NEGR1: variants seen among roughly 807,000 people sequenced by gnomAD.
NEGR1 encodes the protein neuronal growth regulator 1.
In NEGR1, 10 loss-of-function variants were observed where a neutral mutation model predicts 40.9. That is an observed-to-expected ratio of 0.24 (90% CI 0.15 to 0.42). The LOEUF (loss-of-function observed/expected upper bound fraction) is 0.42, where lower values mean the gene tolerates loss of function less well. Among genes scored for constraint, NEGR1 ranks in the 10% least tolerant of loss-of-function variants. NEGR1 has a pLI of 1.00. For synonymous variants in NEGR1, 185 were observed against 166.8 expected (o/e 1.11, Z -0.84); for missense variants, 352 against 438.9 (o/e 0.80, Z 1.77).
intron 5 of NEGR1, among the ~76,000 whole-genome samples, chr1:71,593,823 T>C (rs1376314151): frequency 6.6e-6 from 1 of 152,204 alleles, no homozygotes; most frequent in East Asian, 1.9e-4. Context: ...TCCTTCCTCA[T>C]TTAGGTCTAA....
chr1:71,720,461 A>G (rs1300056118), intron 3 of NEGR1, among the ~76,000 whole-genome samples: 1 of 151,888 alleles, frequency 6.6e-6, no homozygotes, highest in African/African-American at 2.4e-5. Context: ...CTGTCTCTAA[A>G]ATTCCTCTCA....
intron 1 of NEGR1, among the ~76,000 whole-genome samples, chr1:72,082,408 T>A (rs1036003296): frequency 6.6e-6 from 1 of 152,146 alleles, no homozygotes; most frequent in African/African-American, 2.4e-5. Context: ...TATTAACTTA[T>A]GTAGTAGAGC....
intron 1 of NEGR1, among the ~76,000 whole-genome samples, chr1:72,134,261 T>C (rs1054157528): frequency 3.4e-5 from 5 of 148,460 alleles, no homozygotes; most frequent in African/African-American, 1.2e-4. Context: ...CAGGCTGGAG[T>C]GTGTCACGAT....
At chr1:71,867,864 G>T (rs1184616335) in intron 2 of NEGR1, among the ~76,000 whole-genome samples, 1 of 151,940 alleles carries the variant, frequency 6.6e-6, no homozygotes. Flanking sequence ...TTTTCTCTTA[G>T]CAACACTGTT....
At chr1:71,496,740 G>C (rs1646966446) in intron 6 of NEGR1, among the ~76,000 whole-genome samples, 1 of 152,056 alleles carries the variant, frequency 6.6e-6, no homozygotes, top group African/African-American at 2.4e-5. Context: ...TCACACTACA[G>C]AGCCTGGCTG....
intron 4 of NEGR1, among the ~76,000 whole-genome samples, chr1:71,683,731 C>T (rs1485241203): frequency 6.8e-6 from 1 of 147,804 alleles, no homozygotes; most frequent in Non-Finnish European, 1.5e-5. Flanking sequence ...AGTGAATTTG[C>T]TTTTCCTATT....
chr1:72,087,101 T>C (rs554956882), intron 1 of NEGR1, among the ~76,000 whole-genome samples: 90 of 152,264 alleles, frequency 5.9e-4, no homozygotes, highest in Non-Finnish European at 7.4e-5. Flanking sequence ...GCTCTCCAAA[T>C]TCTATAACTC....
At chr1:71,759,069 A>G (rs950874737) in intron 3 of NEGR1, among the ~76,000 whole-genome samples, 1 of 152,148 alleles carries the variant, frequency 6.6e-6, no homozygotes, top group Non-Finnish European at 1.5e-5. Context: ...CCTATGTTAG[A>G]GCAGTGCCTG....
At chr1:72,181,910 G>A (rs900104127) in intron 1 of NEGR1, among the ~76,000 whole-genome samples, 6 of 152,096 alleles carry the variant, frequency 3.9e-5, no homozygotes, top group Non-Finnish European at 7.4e-5. Context: ...AAATAAAATG[G>A]AGAGGTGTAT....
chr1:71,774,879 G>A (rs547776065), intron 3 of NEGR1, among the ~76,000 whole-genome samples: 1 of 152,190 alleles, frequency 6.6e-6, no homozygotes, highest in East Asian at 1.9e-4. Flanking sequence ...GACTAAGGTC[G>A]ACTTCCTGAA....
chr1:71,618,663 AAT>A (rs1650518636), intron 4 of NEGR1, among the ~76,000 whole-genome samples: 1 of 152,126 alleles, frequency 6.6e-6, no homozygotes, highest in African/African-American at 2.4e-5. Flanking sequence ...ACAATATAAT[AAT>A]AATAGAAATA....
At chr1:71,490,172 T>C (rs887366270) in intron 6 of NEGR1, among the ~76,000 whole-genome samples, 23 of 152,008 alleles carry the variant, frequency 1.5e-4, no homozygotes, top group African/African-American at 5.3e-4. Flanking sequence ...TTTACATTCT[T>C]TTGCGGGATT....
At chr1:71,788,193 A>G (rs1243847144) in intron 2 of NEGR1, among the ~76,000 whole-genome samples, 1 of 152,148 alleles carries the variant, frequency 6.6e-6, no homozygotes, top group Non-Finnish European at 1.5e-5. Flanking sequence ...AACAAAGGTT[A>G]TCATGCAGCT....
intron 4 of NEGR1, among the ~76,000 whole-genome samples, chr1:71,694,223 C>T (rs1250044727): frequency 1.3e-5 from 2 of 151,454 alleles, no homozygotes; most frequent in Non-Finnish European, 3.0e-5. Context: ...TTGGCTTAAT[C>T]AAATGTGTCA....
intron 1 of NEGR1, among the ~76,000 whole-genome samples, chr1:72,066,659 C>A (rs1340434171): frequency 6.6e-6 from 1 of 152,026 alleles, no homozygotes; most frequent in African/African-American, 2.4e-5. Flanking sequence ...AGAGAAAAGG[C>A]CCTGTGAGGA....
intron 2 of NEGR1, among the ~76,000 whole-genome samples, chr1:71,864,550 G>A (rs184437313): frequency 6.6e-6 from 1 of 152,110 alleles, no homozygotes; most frequent in Non-Finnish European, 1.5e-5. Flanking sequence ...TAGGTGAAAA[G>A]GTGGCAGATG....
chr1:71,542,352 T>C (rs1488343837), intron 6 of NEGR1, among the ~76,000 whole-genome samples: 1 of 151,742 alleles, frequency 6.6e-6, no homozygotes, highest in Non-Finnish European at 1.5e-5. Context: ...ATGGATTCTT[T>C]GCTGGTACGA....
At chr1:71,715,574 C>T (rs1201822785) in intron 3 of NEGR1, among the ~76,000 whole-genome samples, 1 of 152,152 alleles carries the variant, frequency 6.6e-6, no homozygotes, top group African/African-American at 2.4e-5. Flanking sequence ...CAAGTCACTC[C>T]TTGAACACTT....
chr1:71,988,720 G>C (rs935985734), intron 1 of NEGR1, among the ~76,000 whole-genome samples: 3 of 151,538 alleles, frequency 2.0e-5, no homozygotes, highest in African/African-American at 7.3e-5. Context: ...TTTACAGTGG[G>C]ACACACAGAA....
Sources: gnomAD v4.1 joint callset for allele counts (sites outside exome capture counted in the v4.1 genomes callset) on GRCh38, gnomAD v4.1.1 for gene constraint, MANE v1.5 for transcripts, NCBI Gene and HGNC (gene_info 2026-07-23, HGNC 2026-07-21) for gene names.